The following LCMT1 variants were observed in gnomAD, a reference collection of about 807,000 sequenced individuals.
LCMT1 encodes the protein [Phosphatase 2A protein]-leucine-carboxy methyltransferase 1.
Under a neutral mutation model 47.7 loss-of-function variants are expected in LCMT1, and 32 were observed. The observed-to-expected ratio is 0.67, with a 90% CI of 0.51 to 0.90. The LOEUF (loss-of-function observed/expected upper bound fraction) is 0.90. LCMT1 is among the 40% of genes least tolerant of loss of function. The pLI, the probability that LCMT1 is intolerant of heterozygous loss-of-function variation, is 0.00. For synonymous variants in LCMT1, 152 were observed against 149.7 expected, an observed-to-expected ratio of 1.02 and a Z score of -0.11; for missense variants, 375 against 415.2, an observed-to-expected ratio of 0.90 and a Z score of 0.84.
At chr16:25,150,729 A>G (rs1212420999) in intron 4 of LCMT1, among the ~76,000 whole-genome samples, 1 of 152,164 alleles carries the variant, frequency 6.6e-6, no homozygotes, top group Non-Finnish European at 1.5e-5. Flanking sequence ...CTTATATTGA[A>G]AAAAATGTGA....
At chr16:25,158,593 C>G (rs1485797190) in intron 5 of LCMT1, among the ~76,000 whole-genome samples, 1 of 152,242 alleles carries the variant, frequency 6.6e-6, no homozygotes, top group Non-Finnish European at 1.5e-5. Context: ...GCATTCCAGA[C>G]AGATAAGGAT....
At chr16:25,173,935 C>T (rs1049487263) in intron 9 of LCMT1, among the ~76,000 whole-genome samples, 8 of 151,738 alleles carry the variant, frequency 5.3e-5, no homozygotes, top group African/African-American at 1.5e-4. Flanking sequence ...TTTTTGAGAC[C>T]GAGTCTCGCT....
intron 3 of LCMT1, among the ~76,000 whole-genome samples, chr16:25,134,300 T>C (rs1316877189): frequency 6.6e-6 from 1 of 152,212 alleles, no homozygotes; most frequent in Non-Finnish European, 1.5e-5. Context: ...TGTGGGTATT[T>C]CTTTGCCTCT....
chr16:25,152,379 C>T (rs1961109964), intron 5 of LCMT1, among the ~76,000 whole-genome samples: 3 of 152,104 alleles, frequency 2.0e-5, no homozygotes, highest in Admixed American at 2.0e-4. Flanking sequence ...CAAGGTCACT[C>T]TGGGGTCCCC....
chr16:25,160,000 C>G (rs1961373056), intron 5 of LCMT1, among the ~76,000 whole-genome samples: 1 of 149,854 alleles, frequency 6.7e-6, no homozygotes. Context: ...GAGCCTCACT[C>G]TGTCGCCCAG....
chr16:25,136,607 T>G (rs919705), intron 3 of LCMT1, among the ~76,000 whole-genome samples: 34,571 of 151,884 alleles, frequency 0.23, 4,050 homozygotes, highest in East Asian at 0.34. Flanking sequence ...TGCAGTGCAG[T>G]GGTGTGATCT....
At chr16:25,127,997 G>C (rs1455996544) in intron 1 of LCMT1, among the ~76,000 whole-genome samples, 2 of 152,228 alleles carry the variant, frequency 1.3e-5, no homozygotes, top group Non-Finnish European at 2.9e-5. Flanking sequence ...CCTAAGAAGA[G>C]TGAAATGATT....
At chr16:25,124,715 A>G (rs1250812338) in intron 1 of LCMT1, among the ~76,000 whole-genome samples, 1 of 152,218 alleles carries the variant, frequency 6.6e-6, no homozygotes, top group Non-Finnish European at 1.5e-5. Flanking sequence ...AGAAGGCCCC[A>G]TTGTTCCAGT....
At chr16:25,152,419 TTTA>T (rs1269283235) in intron 5 of LCMT1, among the ~76,000 whole-genome samples, 1 of 152,124 alleles carries the variant, frequency 6.6e-6, no homozygotes, top group African/African-American at 2.4e-5. Flanking sequence ...AGCTTAGAAT[TTTA>T]TTTTTAGTCT....
chr16:25,123,932 T>A (rs138250514), intron 1 of LCMT1, among the ~76,000 whole-genome samples: 4 of 152,142 alleles, frequency 2.6e-5, no homozygotes, highest in African/African-American at 9.7e-5. Flanking sequence ...TTCTTTCAAG[T>A]TGATAGCTCA....
intron 9 of LCMT1, among the ~76,000 whole-genome samples, chr16:25,171,991 G>A (rs1961789067): frequency 1.3e-5 from 2 of 152,018 alleles, no homozygotes; most frequent in African/African-American, 4.8e-5. Context: ...TCAAAATATT[G>A]AGGGTTGCCA....
At chr16:25,143,509 G>C (rs1167220574) in intron 4 of LCMT1, 2 of 152,106 alleles carry the variant, frequency 1.3e-5, no homozygotes, top group African/African-American at 2.4e-5. Context: ...CTTTAGTGAA[G>C]GTTTACAGAC....
At chr16:25,155,752 C>T (rs1961236525) in intron 5 of LCMT1, among the ~76,000 whole-genome samples, 1 of 151,302 alleles carries the variant, frequency 6.6e-6, no homozygotes, top group South Asian at 2.1e-4. Context: ...TTGGTCACAG[C>T]TCACTGCAGC....
At chr16:25,165,883 T>C (rs1054095602) in intron 7 of LCMT1, among the ~76,000 whole-genome samples, 1 of 152,178 alleles carries the variant, frequency 6.6e-6, no homozygotes, top group Non-Finnish European at 1.5e-5. Flanking sequence ...TTGTGAGATA[T>C]AAATGAGTTA....
intron 1 of LCMT1, among the ~76,000 whole-genome samples, chr16:25,122,942 G>C (rs948298198): frequency 1.3e-5 from 2 of 151,998 alleles, no homozygotes; most frequent in Non-Finnish European, 2.9e-5. Context: ...TTGCCACTGT[G>C]CCCAGCTTCA....
At chr16:25,169,848 T>A (rs1961698983) in intron 8 of LCMT1, among the ~76,000 whole-genome samples, 1 of 152,160 alleles carries the variant, frequency 6.6e-6, no homozygotes, top group Admixed American at 6.6e-5. Context: ...TCTTTGACTC[T>A]ATGTTAATGC....
intron 4 of LCMT1, chr16:25,147,219 A>G (rs967672359): frequency 3.9e-5 from 6 of 152,196 alleles, no homozygotes; most frequent in Admixed American, 3.9e-4. Flanking sequence ...CACCACCAAA[A>G]AAAGGAACTT....
intron 2 of LCMT1, among the ~76,000 whole-genome samples, chr16:25,129,988 G>C (rs552364388): frequency 1.1e-4 from 17 of 152,164 alleles, no homozygotes; most frequent in Non-Finnish European, 2.1e-4. Flanking sequence ...TCTCAGATGA[G>C]GGAGGGCTCA....
At chr16:25,130,197 G>A (rs1401177250) in intron 2 of LCMT1, among the ~76,000 whole-genome samples, 7 of 151,694 alleles carry the variant, frequency 4.6e-5, no homozygotes, top group Non-Finnish European at 7.4e-5. Context: ...AAAATTAGCC[G>A]GGTGTGGTGG....
Sources: allele counts gnomAD v4.1 joint callset (sites outside exome capture counted in the v4.1 genomes callset), GRCh38; gene constraint gnomAD v4.1.1; transcripts MANE v1.5; gene names NCBI Gene and HGNC (gene_info 2026-07-23, HGNC 2026-07-21).